ACOT7: variants seen among roughly 807,000 people sequenced by gnomAD.
ACOT7 encodes the protein acyl-CoA thioesterase 7.
In ACOT7, 12 loss-of-function variants were observed where a neutral mutation model predicts 40.2. The observed-to-expected ratio is 0.30, with a 90% CI of 0.19 to 0.48. The LOEUF is 0.48. Among genes scored for constraint, ACOT7 ranks in the 20% least tolerant of loss-of-function variants. The pLI is 0.99. For synonymous variants in ACOT7, 228 were observed against 219.5 expected (o/e 1.04, Z -0.34); for missense variants, 395 against 530.8 (o/e 0.74, Z 2.51).
rs1023445414 is a variant in ACOT7, at chr1:6,278,273, G to A, written c.1014+2829C>T. On this transcript the variant is annotated intron_variant, in intron 8 of 8. Transcript: ENST00000361521. This position sits in a 1 kb window ranked among gnomAD's most constrained non-coding sequence, Gnocchi z 4.1. ...TGAGCTTGCTGCACCCACACCCAGG[G>A]CATGGAGGAGCCACCGTGCATTTCG... 6.6e-6 allele frequency among the ~76,000 whole-genome samples: 1 copy of A among 152,180 alleles called. No individual in the cohort carries two copies. Among genetic ancestry groups the A allele is most frequent in the Non-Finnish European group, 1.5e-5 (1 of 68,030 alleles).
chr1:6,358,557 G>A lies in ACOT7; in HGVS notation c.144-8691C>T, dbSNP rs1641812784. Among the ~76,000 whole-genome samples, 1 of 152,236 alleles carries A rather than the reference G, an allele frequency of 6.6e-6. No individual in the cohort carries two copies. The highest frequency in any genetic ancestry group is 2.1e-4 in the South Asian group (1 of 4,838). The stretch of plus-strand genomic sequence containing the variant: ...GCCTTCCTCCCTGGGGACTAGAGCA[G>A]GCAGGGGAGTGCCCTGGTCCGTCAG... On this transcript the variant is annotated intron_variant, in intron 1 of 8. Coordinates refer to ENST00000361521, the MANE Select transcript of ACOT7 (RefSeq NM_007274.4). The surrounding 1 kb of genome is among the most constrained non-coding windows in gnomAD (Gnocchi z 4.1).
At chr1:6,298,643 C>T (rs1329283939) in intron 6 of ACOT7, among the ~76,000 whole-genome samples, 1 of 152,178 alleles carries the variant, frequency 6.6e-6, no homozygotes, top group African/African-American at 2.4e-5. Flanking sequence ...CACCTCTGGG[C>T]TTCAGGTGGC....
chr1:6,383,525 T>C (rs1050197440), intron 1 of ACOT7, among the ~76,000 whole-genome samples: 1 of 146,308 alleles, frequency 6.8e-6, no homozygotes, highest in Non-Finnish European at 1.5e-5. Context: ...ATATATTATG[T>C]GTATTTTAAC....
At chr1:6,373,067 G>A (rs543773418) in intron 1 of ACOT7, among the ~76,000 whole-genome samples, 3 of 152,278 alleles carry the variant, frequency 2.0e-5, no homozygotes, top group East Asian at 1.9e-4. Flanking sequence ...GACGTGGTTC[G>A]TGATGTCTCA....
At chr1:6,370,192 C>T (rs1402219985) in intron 1 of ACOT7, among the ~76,000 whole-genome samples, 1 of 152,150 alleles carries the variant, frequency 6.6e-6, no homozygotes, top group Non-Finnish European at 1.5e-5. Context: ...GACCTGCACA[C>T]ACCAGCTTCC....
chr1:6,305,485 G>A (rs1244567215), intron 6 of ACOT7, among the ~76,000 whole-genome samples: 44 of 151,420 alleles, frequency 2.9e-4, no homozygotes, highest in East Asian at 9.8e-4. Flanking sequence ...GGTGGCTGCC[G>A]GGCGGAGGGG....
intron 1 of ACOT7, among the ~76,000 whole-genome samples, chr1:6,389,593 A>G (rs1642499941): frequency 1.3e-5 from 2 of 152,088 alleles, no homozygotes; most frequent in Non-Finnish European, 2.9e-5. Flanking sequence ...CAGCCTGACC[A>G]ACATGGTGAA....
At position 6,299,910 on chromosome 1, in the gene ACOT7, CAGA is replaced by C. The variant is rs1639920744; in HGVS notation, c.713-4933_713-4931del. On this transcript the variant is annotated intron_variant, in intron 6 of 8. Coordinates refer to ENST00000361521, the MANE Select transcript of ACOT7 (RefSeq NM_007274.4). This position sits in a 1 kb window ranked among gnomAD's most constrained non-coding sequence, Gnocchi z 4.1. ...TCTAAATACTGCCCTGGGCAGCCAA[CAGA>C]AGCTCTGTCAGCCTCCAATGGGGGC... Among the ~76,000 whole-genome samples the C allele has an allele frequency of 6.6e-6, 1 of 152,176 alleles. No homozygotes were observed. The highest frequency in any genetic ancestry group is 6.5e-5 in the Admixed American group (1 of 15,276).
Position 6,306,550 on chromosome 1 carries a change from C to A in ACOT7, c.713-11570G>T, listed in dbSNP as rs553098904. ...ATGGACGTGAAGCTGTTCTTCAGAA[C>A]AGAAGAACCTGGAGAACGATGTTTT... On this transcript the variant is annotated intron_variant, in intron 6 of 8. Transcript: ENST00000361521. The surrounding 1 kb of genome is among the most constrained non-coding windows in gnomAD (Gnocchi z 4.3). 2.0e-6 allele frequency: 2 copies of A among 985,282 alleles called. No homozygotes were observed. The highest frequency in any genetic ancestry group is 2.4e-6 in the Non-Finnish European group (2 of 829,930). 61.0% of individuals were successfully genotyped at this position (985,282 alleles called of 1,614,324 possible). A position where few individuals can be genotyped will look rare whatever the true frequency, so the allele number is the denominator to read the frequency against.
intron 1 of ACOT7, among the ~76,000 whole-genome samples, chr1:6,378,315 CTGCGGCAGAT>C (rs1642274560): frequency 6.6e-6 from 1 of 151,772 alleles, no homozygotes; most frequent in East Asian, 1.9e-4. Context: ...TAGCGCCAGA[CTGCGGCAGAT>C]GGTCCAGTCC....
intron 6 of ACOT7, among the ~76,000 whole-genome samples, chr1:6,309,863 A>G (rs747321534): frequency 3.3e-5 from 5 of 152,282 alleles, no homozygotes; most frequent in Non-Finnish European, 7.3e-5. Flanking sequence ...CTAATAAAGT[A>G]AATGTAATAA....
chr1:6,279,845 C>T (rs1252063212), intron 8 of ACOT7, among the ~76,000 whole-genome samples: 1 of 152,138 alleles, frequency 6.6e-6, no homozygotes, highest in Non-Finnish European at 1.5e-5. Context: ...GGGAGAGGGG[C>T]TTGGAGGGGC....
intron 6 of ACOT7, 63 bp from the exon 7 acceptor site, chr1:6,295,043 G>A: frequency 7.4e-7 from 1 of 1,344,436 alleles, no homozygotes. Context: ...TTCACACCCT[G>A]GAAACAAGTT....
Position 6,311,236 on chromosome 1 carries a change from T to A in ACOT7, c.712+7256A>T, listed in dbSNP as rs1557644887. Among the ~76,000 whole-genome samples the A allele has an allele frequency of 6.6e-6, 1 of 152,188 alleles. No individual in the cohort carries two copies. ...AGAGTTAGTTTTTACTCAGAGCCGA[T>A]GTGATCAGTAAACGTTGAGGTTCTT... is the stretch of plus-strand genomic sequence containing the variant. On this transcript the variant is annotated intron_variant, in intron 6 of 8. Transcript: ENST00000361521. This position sits in a 1 kb window ranked among gnomAD's most constrained non-coding sequence, Gnocchi z 5.2.
At chr1:6,388,939 G>A (rs1028981205) in intron 1 of ACOT7, among the ~76,000 whole-genome samples, 5 of 151,518 alleles carry the variant, frequency 3.3e-5, no homozygotes, top group African/African-American at 4.9e-5. Context: ...TACTCAGGAG[G>A]CTGAGGCAGG....
intron 3 of ACOT7, among the ~76,000 whole-genome samples, chr1:6,334,566 G>A (rs1289766668): frequency 6.6e-6 from 1 of 152,212 alleles, no homozygotes; most frequent in Admixed American, 6.5e-5. Flanking sequence ...AGACACTCGG[G>A]TGTGCTGCCA....
chr1:6,305,473 G>A (rs866880052), intron 6 of ACOT7, among the ~76,000 whole-genome samples: 79 of 151,576 alleles, frequency 5.2e-4, no homozygotes, highest in Admixed American at 1.2e-3. Context: ...CTTCCCAGAC[G>A]GGGTGGCTGC....
intron 7 of ACOT7, among the ~76,000 whole-genome samples, chr1:6,293,437 T>A (rs1639728165): frequency 6.6e-6 from 1 of 152,186 alleles, no homozygotes; most frequent in Non-Finnish European, 1.5e-5. Flanking sequence ...AGGACCCACT[T>A]GTTTTGGGCA....
At chr1:6,353,883 T>C (rs1477089798) in intron 1 of ACOT7, among the ~76,000 whole-genome samples, 2 of 151,334 alleles carry the variant, frequency 1.3e-5, no homozygotes, top group Non-Finnish European at 2.9e-5. Context: ...CTGCCCAGGG[T>C]GGGGCCTTTC....
Sources: gnomAD v4.1 joint callset for allele counts (sites outside exome capture counted in the v4.1 genomes callset) on GRCh38, gnomAD v4.1.1 for gene constraint, Gnocchi (gnomAD v3.1) non-coding constraint, MANE v1.5 for transcripts, NCBI Gene and HGNC (gene_info 2026-07-23, HGNC 2026-07-21) for gene names.